LRRC7: variants seen among roughly 807,000 people sequenced by gnomAD.
The protein encoded by LRRC7 is leucine-rich repeat-containing protein 7.
A neutral mutation model predicts 175.7 loss-of-function variants in LRRC7; 23 were observed. That is an observed-to-expected ratio of 0.13 (90% CI 0.09 to 0.19). The LOEUF is 0.19. LRRC7 is among the 10% of genes least tolerant of loss of function. The pLI is 1.00. For missense variants in LRRC7, 1,354 were observed against 1,904.7 expected (o/e 0.71, Z 5.38); for synonymous variants, 685 against 680.9 (o/e 1.01, Z -0.09).
chr1:69,573,384 G>T (rs1277275561), intron 1 of LRRC7, among the ~76,000 whole-genome samples: 5 of 152,126 alleles, frequency 3.3e-5, no homozygotes, highest in Non-Finnish European at 7.4e-5. Flanking sequence ...ACCAGCTTTT[G>T]AAAGCTGTAT....
At chr1:69,939,288 G>T (rs2101794593) in intron 8 of LRRC7, among the ~76,000 whole-genome samples, 1 of 151,774 alleles carries the variant, frequency 6.6e-6, no homozygotes, top group East Asian at 1.9e-4. Context: ...GGTGAAATTG[G>T]GTCTTCGACT....
At position 69,995,719 on chromosome 1, in the gene LRRC7, C is replaced by A. The variant is rs1358231348; in HGVS notation, c.1004+1086C>A. On this transcript the variant is annotated intron_variant, in intron 11 of 26. Coordinates refer to ENST00000651989, the MANE Select transcript of LRRC7 (RefSeq NM_001370785.2). Reference sequence around the variant, plus strand: ...ATTTCCAATTTCATCCATCTCCCTACAAAGGACGTGAACTCATCATTTTTT... The same window carrying A: ...ATTTCCAATTTCATCCATCTCCCTAAAAAGGACGTGAACTCATCATTTTTT... Among the ~76,000 whole-genome samples the A allele has an allele frequency of 3.3e-5, 5 of 152,270 alleles. No homozygotes were observed. The East Asian group carries it at 7.7e-4, about 24-fold the overall frequency.
At position 69,981,972 on chromosome 1, in the gene LRRC7, A is replaced by AATT. The variant is rs1317103912; in HGVS notation, c.786+1519_786+1520insATT. ...ACTGGCCCAAGATAACACAGCCAGTACCCCAGGGAGCTGTAATTCAAACCA... is the reference window on the plus strand; with the variant it reads ...ACTGGCCCAAGATAACACAGCCAGTAATTCCCCAGGGAGCTGTAATTCAAACCA... On this transcript the variant is annotated intron_variant, in intron 9 of 26. Coordinates refer to ENST00000651989, the MANE Select transcript of LRRC7 (RefSeq NM_001370785.2). 2.6e-5 allele frequency among the ~76,000 whole-genome samples: 4 copies of AATT among 152,210 alleles called. No homozygotes were observed. In the East Asian group the frequency reaches 7.7e-4, roughly 29 times the overall value.
chr1:69,890,610 C>G (rs1007071075), intron 7 of LRRC7, among the ~76,000 whole-genome samples: 5 of 152,192 alleles, frequency 3.3e-5, no homozygotes, highest in African/African-American at 1.2e-4. Context: ...TCCTTTGAAG[C>G]TTTGATGGCA....
At chr1:69,938,895 G>A (rs1321372445) in intron 8 of LRRC7, among the ~76,000 whole-genome samples, 5 of 150,500 alleles carry the variant, frequency 3.3e-5, no homozygotes, top group African/African-American at 9.8e-5. Flanking sequence ...AGTACAATTT[G>A]TCATCACATA....
At chr1:69,815,334 A>G (rs960644373) in intron 4 of LRRC7, among the ~76,000 whole-genome samples, 60 of 152,174 alleles carry the variant, frequency 3.9e-4, no homozygotes, top group African/African-American at 1.4e-3. Context: ...AAAATCTAGG[A>G]GGTTATTACT....
At chr1:69,714,374 G>C (rs1043150622) in intron 2 of LRRC7, among the ~76,000 whole-genome samples, 4 of 152,148 alleles carry the variant, frequency 2.6e-5, no homozygotes, top group African/African-American at 4.8e-5. Context: ...ATAAATCATG[G>C]AGGAAAGCAG....
At chr1:69,974,879 G>A (rs12040177) in intron 8 of LRRC7, among the ~76,000 whole-genome samples, 9,388 of 152,150 alleles carry the variant, frequency 0.062, 285 homozygotes, top group South Asian at 0.11. Context: ...TGGAATTTCA[G>A]TTTTAAGCTC....
At chr1:69,829,063 TACTA>T (rs1680248610) in intron 5 of LRRC7, among the ~76,000 whole-genome samples, 1 of 151,988 alleles carries the variant, frequency 6.6e-6, no homozygotes, top group Non-Finnish European at 1.5e-5. Flanking sequence ...ATAAAATTCT[TACTA>T]AATAAAAGTA....
At chr1:69,573,692 CA>C (rs1369610009) in intron 1 of LRRC7, among the ~76,000 whole-genome samples, 1 of 149,454 alleles carries the variant, frequency 6.7e-6, no homozygotes, top group Non-Finnish European at 1.5e-5. Context: ...CATTCAAAGA[CA>C]TGGGAAAAAT....
intron 2 of LRRC7, among the ~76,000 whole-genome samples, chr1:69,735,236 G>A (rs1345692302): frequency 1.3e-5 from 2 of 151,864 alleles, no homozygotes; most frequent in Admixed American, 1.3e-4. Flanking sequence ...AATTTCCCCA[G>A]TGGTCCCACA....
chr1:70,013,683 C>T (rs994730576), intron 13 of LRRC7, among the ~76,000 whole-genome samples: 1 of 151,802 alleles, frequency 6.6e-6, no homozygotes, highest in Admixed American at 6.6e-5. Flanking sequence ...ATCTTTGTTT[C>T]CACCTACTCT....
chr1:69,883,164 T>C (rs1428627210), intron 7 of LRRC7, among the ~76,000 whole-genome samples: 1 of 151,916 alleles, frequency 6.6e-6, no homozygotes, highest in East Asian at 1.9e-4. Context: ...GTATTTCTAA[T>C]TCTAGATCCC....
intron 7 of LRRC7, among the ~76,000 whole-genome samples, chr1:69,888,461 C>T (rs1474446545): frequency 3.9e-5 from 6 of 152,298 alleles, no homozygotes; most frequent in South Asian, 2.1e-4. Flanking sequence ...GGCAATGCCT[C>T]GCCCTGCTTT....
chr1:69,961,220 C>T (rs1401322365), intron 8 of LRRC7, among the ~76,000 whole-genome samples: 4 of 152,074 alleles, frequency 2.6e-5, no homozygotes, highest in Non-Finnish European at 4.4e-5. Flanking sequence ...TACAAATGAG[C>T]TCCCATTCAC....
intron 1 of LRRC7, among the ~76,000 whole-genome samples, chr1:69,631,147 C>T (rs1232251582): frequency 6.6e-6 from 1 of 152,010 alleles, no homozygotes; most frequent in Non-Finnish European, 1.5e-5. Flanking sequence ...CCTTAAATAT[C>T]TTTTCTTTAT....
chr1:69,878,930 A>C (rs1686297060), intron 7 of LRRC7, among the ~76,000 whole-genome samples: 1 of 148,674 alleles, frequency 6.7e-6, no homozygotes, highest in African/African-American at 2.4e-5. Flanking sequence ...TATGGTGTAC[A>C]TTTGTCCAAA....
intron 1 of LRRC7, among the ~76,000 whole-genome samples, chr1:69,613,497 A>G (rs1235091687): frequency 2.0e-5 from 3 of 151,994 alleles, no homozygotes; most frequent in Admixed American, 1.3e-4. Flanking sequence ...ATCATGTATG[A>G]GGTGCCTCTC....
At chr1:69,905,674 T>G (rs1348800356) in intron 7 of LRRC7, among the ~76,000 whole-genome samples, 3 of 152,218 alleles carry the variant, frequency 2.0e-5, no homozygotes, top group African/African-American at 7.2e-5. Flanking sequence ...ACATTTGGGT[T>G]GGTTCCAAGT....
Sources: gnomAD v4.1 joint callset for allele counts (sites outside exome capture counted in the v4.1 genomes callset) on GRCh38, gnomAD v4.1.1 for gene constraint, MANE v1.5 for transcripts, NCBI Gene and HGNC (gene_info 2026-07-23, HGNC 2026-07-21) for gene names.